SSBP3: variants seen among roughly 807,000 people sequenced by gnomAD.
SSBP3 encodes single-stranded DNA-binding protein 3.
Under a neutral mutation model 69.6 loss-of-function variants are expected in SSBP3, and 5 were observed. The ratio of observed to expected loss-of-function variants is 0.07; its 90% CI spans 0.04 to 0.15. The LOEUF is 0.15. SSBP3 is among the 10% of genes least tolerant of loss of function. The pLI is 1.00. For missense variants in SSBP3, 312 were observed against 534.0 expected (o/e 0.58, Z 4.10); for synonymous variants, 196 against 193.4 (o/e 1.01, Z -0.11).
At chr1:54,272,619 T>C (rs955426232) in intron 5 of SSBP3, among the ~76,000 whole-genome samples, 2 of 151,594 alleles carry the variant, frequency 1.3e-5, no homozygotes, top group African/African-American at 4.9e-5. Context: ...CCCGCAGGGG[T>C]CTCCACTCCC....
intron 4 of SSBP3, among the ~76,000 whole-genome samples, chr1:54,332,679 G>A (rs1039373676): frequency 6.6e-6 from 1 of 152,094 alleles, no homozygotes; most frequent in Non-Finnish European, 1.5e-5. Context: ...CTTGACAAGA[G>A]CTCCAAAAAG....
At position 54,288,298 on chromosome 1, in the gene SSBP3, G is replaced by T. The variant is rs527553638; in HGVS notation, c.277-6771C>A. On this transcript the variant is annotated intron_variant, in intron 4 of 17. Transcript: ENST00000610401. The stretch of plus-strand genomic sequence containing the variant: ...CTGTGTGATCTGATCAGGCCTTCCT[G>T]CCCCGGGCCCTGGACTCCACACAAG... Among the ~76,000 whole-genome samples the T allele has an allele frequency of 5.3e-5, 8 of 152,284 alleles. No individual in the cohort carries two copies. The South Asian group carries it at 1.5e-3, about 28-fold the overall frequency.
rs57721486 is a variant in SSBP3, at chr1:54,368,288, C to CAA, written c.276+33571_276+33572dup. Among the ~76,000 whole-genome samples the CAA allele has an allele frequency of 2.6e-3, 180 of 68,972 alleles. 6 individuals carry two copies. In the South Asian group the frequency reaches 0.032, roughly 12 times the overall value. 45.2% of individuals were successfully genotyped at this position (68,972 alleles called of 152,430 possible). On this transcript the variant is annotated intron_variant, in intron 4 of 17. Coordinates refer to ENST00000610401, the Ensembl canonical transcript of SSBP3. ...ACTCCAGCAGAACGAGACTCCATCT[C>CAA]AAAAAAAAAAAAAAAAAAAAGAAAA...
chr1:54,330,751 C>T (rs746800558), intron 4 of SSBP3, among the ~76,000 whole-genome samples: 1 of 152,204 alleles, frequency 6.6e-6, no homozygotes, highest in Non-Finnish European at 1.5e-5. Flanking sequence ...ACACAACCAG[C>T]CCAGAAATCT....
intron 4 of SSBP3, among the ~76,000 whole-genome samples, chr1:54,282,071 T>TAATAATAATAATAAA (rs984653416): frequency 2.0e-5 from 3 of 150,658 alleles, no homozygotes; most frequent in South Asian, 2.1e-4. Flanking sequence ...ATAATAATAA[T>TAATAATAATAATAAA]AAAAAAATGG....
intron 9 of SSBP3, among the ~76,000 whole-genome samples, chr1:54,245,052 C>A (rs557917059): frequency 6.6e-6 from 1 of 152,304 alleles, no homozygotes; most frequent in African/African-American, 2.4e-5. Flanking sequence ...GGCACTGAAG[C>A]AATCAATGAA....
intron 4 of SSBP3, among the ~76,000 whole-genome samples, chr1:54,313,763 ATTTTTACT>A (rs1311664017): frequency 6.7e-6 from 1 of 149,900 alleles, no homozygotes; most frequent in Non-Finnish European, 1.5e-5. Flanking sequence ...GGAGACTAGG[ATTTTTACT>A]TTTTTTTTTT....
chr1:54,317,842 T>C (rs1481678725), intron 4 of SSBP3, among the ~76,000 whole-genome samples: 2 of 152,208 alleles, frequency 1.3e-5, no homozygotes, highest in Admixed American at 6.5e-5. Flanking sequence ...TTTGGCTCAC[T>C]GCAATCTCCA....
intron 2 of SSBP3, 41 bp downstream of exon 2, chr1:54,404,817 G>A (rs755607800): frequency 1.9e-5 from 20 of 1,074,308 alleles, no homozygotes; most frequent in Admixed American, 6.0e-5. Flanking sequence ...GTGGGGGGGG[G>A]GGGTGTCAAG....
Position 54,251,059 on chromosome 1 carries a change from G to C in SSBP3, c.651+557C>G, listed in dbSNP as rs888380477. Reference sequence around the variant, plus strand: ...AAGTGGGTGCTGGGGTCCTGCCAGCGTGGCCCCCTCCCACCAGAGAATCGC... The same window carrying C: ...AAGTGGGTGCTGGGGTCCTGCCAGCCTGGCCCCCTCCCACCAGAGAATCGC... On this transcript the variant is annotated intron_variant, in intron 9 of 17. Coordinates refer to ENST00000610401, the Ensembl canonical transcript of SSBP3. Among the ~76,000 whole-genome samples, 3 of 152,216 alleles carry C rather than the reference G, an allele frequency of 2.0e-5. No individual in the cohort carries two copies. The South Asian group carries it at 6.2e-4, about 31-fold the overall frequency.
intron 17 of SSBP3, 69 bp from the exon 18 acceptor site, chr1:54,227,229 C>A: frequency 2.1e-6 from 2 of 930,260 alleles, no homozygotes; most frequent in South Asian, 2.6e-5. Context: ...ACCCAGGTGC[C>A]AAGAGCCTGG....
At chr1:54,277,928 G>C (rs1038464386) in intron 5 of SSBP3, among the ~76,000 whole-genome samples, 1 of 151,584 alleles carries the variant, frequency 6.6e-6, no homozygotes, top group South Asian at 2.1e-4. Flanking sequence ...GCTAAGCTGC[G>C]TGGAAAAAAA....
At chr1:54,282,323 T>C (rs1314075603) in intron 4 of SSBP3, among the ~76,000 whole-genome samples, 1 of 152,182 alleles carries the variant, frequency 6.6e-6, no homozygotes, top group Non-Finnish European at 1.5e-5. Flanking sequence ...TAAATATCCA[T>C]GACTCAACGA....
intron 4 of SSBP3, among the ~76,000 whole-genome samples, chr1:54,375,250 G>GA (rs1159823422): frequency 6.6e-6 from 1 of 152,322 alleles, no homozygotes; most frequent in East Asian, 1.9e-4. Context: ...GACTGACAGG[G>GA]AAACTAAGGA....
chr1:54,325,645 G>T (rs537393894), intron 4 of SSBP3, among the ~76,000 whole-genome samples: 4 of 152,104 alleles, frequency 2.6e-5, no homozygotes, highest in Non-Finnish European at 5.9e-5. Context: ...TCAATTATTG[G>T]ATTAATTTAT....
At chr1:54,288,615 C>T (rs960934796) in intron 4 of SSBP3, among the ~76,000 whole-genome samples, 1 of 151,718 alleles carries the variant, frequency 6.6e-6, no homozygotes, top group Admixed American at 6.6e-5. Flanking sequence ...ATTTATTCCC[C>T]AACATCGCTG....
intron 1 of SSBP3, chr1:54,405,459 G>A (rs905606596): frequency 4.3e-5 from 7 of 161,396 alleles, no homozygotes; most frequent in Non-Finnish European, 6.9e-5. Context: ...CGGTGACGAA[G>A]CCGAGGACAG....
At chr1:54,408,050 T>C (rs149893171), upstream of SSBP3, among the ~76,000 whole-genome samples, 163 of 152,296 alleles carry the variant, frequency 1.1e-3, no homozygotes, top group African/African-American at 3.8e-3. Flanking sequence ...TTTGGAATAA[T>C]GTTCTACTCA....
intron 17 of SSBP3, among the ~76,000 whole-genome samples, chr1:54,227,886 A>T (rs574616951): frequency 6.6e-6 from 1 of 152,352 alleles, no homozygotes; most frequent in South Asian, 2.1e-4. Context: ...GCAGACAGCC[A>T]ACCCGTGTTG....
Sources: allele counts gnomAD v4.1 joint callset (sites outside exome capture counted in the v4.1 genomes callset), GRCh38; gene constraint gnomAD v4.1.1; transcripts MANE v1.5; gene names NCBI Gene and HGNC (gene_info 2026-07-23, HGNC 2026-07-21).